The following DMD variants were observed in gnomAD, a reference collection of about 807,000 sequenced individuals.
The protein encoded by DMD is dystrophin, also known as mutant dystrophin.
In DMD, 63 loss-of-function variants were observed where a neutral mutation model predicts 330.1. The observed-to-expected ratio is 0.19, with a 90% CI of 0.16 to 0.24. DMD has a LOEUF of 0.24. DMD is among the 10% of genes least tolerant of loss of function. DMD has a pLI of 1.00. For missense variants in DMD, 3,344 were observed against 2,684.1 expected (o/e 1.25, Z -5.43); for synonymous variants, 1,223 against 959.8 (o/e 1.27, Z -5.07).
chrX:32,368,190 T>A (rs1344030090), intron 34 of DMD, among the ~76,000 whole-genome samples: 1 of 112,016 alleles, frequency 8.9e-6, no homozygotes, highest in African/African-American at 3.2e-5. Context: ...ATCCAGTCTG[T>A]ACTGTGCTAT....
chrX:32,717,323 C>T (rs2068591609), intron 7 of DMD, among the ~76,000 whole-genome samples: 2 of 111,114 alleles, frequency 1.8e-5, no homozygotes, highest in Admixed American at 1.9e-4. Flanking sequence ...TCCCTATGTC[C>T]CAGACACTCC....
In DMD at chrX:32,828,510, C is replaced by T. The variant is rs149920271; in HGVS notation, c.265-5123G>A. 7.8e-3 allele frequency among the ~76,000 whole-genome samples: 852 copies of T among 108,864 alleles called. 10 individuals carry two copies. The highest frequency in any genetic ancestry group is 0.028 in the African/African-American group (814 of 29,562). The allele number at this position is 108,864 out of a possible 115,157, so 94.5% of individuals were successfully genotyped here. On this transcript the variant is annotated intron_variant, in intron 4 of 78. Coordinates refer to ENST00000357033, the MANE Select transcript of DMD (RefSeq NM_004006.3). ...AGATACATCTATACATATATATATA[C>T]GCATCATTTCAGGGAGATATAGACA...
At chrX:31,387,155 T>C (rs16989595) in intron 60 of DMD, among the ~76,000 whole-genome samples, 2,133 of 111,449 alleles carry the variant, frequency 0.019, 60 homozygotes, top group African/African-American at 0.066. Flanking sequence ...TTAGACTCTA[T>C]AGGAAGCTAA....
At chrX:31,859,129 G>A (rs1310696483) in intron 48 of DMD, among the ~76,000 whole-genome samples, 3 of 111,326 alleles carry the variant, frequency 2.7e-5, no homozygotes, top group South Asian at 7.6e-4. Context: ...AAGAGGCACT[G>A]TTCCAGAGAG....
chrX:32,647,153 A>G (rs1488414018), intron 9 of DMD, among the ~76,000 whole-genome samples: 1 of 111,841 alleles, frequency 8.9e-6, no homozygotes, highest in Non-Finnish European at 1.9e-5. Context: ...ACATGCCTCT[A>G]TTATCTGCTG....
intron 26 of DMD, among the ~76,000 whole-genome samples, chrX:32,449,229 G>T (rs1377742671): frequency 9.1e-6 from 1 of 110,385 alleles, no homozygotes; most frequent in African/African-American, 3.3e-5. Context: ...GCTATGCCTT[G>T]GTCTTCTCAA....
At position 31,472,051 on chromosome X, in the gene DMD, A is replaced by G. The variant is rs554028832; in HGVS notation, c.8937+6055T>C. Among the ~76,000 whole-genome samples the G allele has an allele frequency of 6.0e-4, 67 of 112,422 alleles. 1 individual carries two copies. Among genetic ancestry groups the G allele is most frequent in the African/African-American group, 2.0e-3 (62 of 31,011 alleles). On this transcript the variant is annotated intron_variant, in intron 59 of 78. Transcript: ENST00000357033. ...TTTCTTTGTTTTTTCTTCTCCATCA[A>G]AGGCTTACTTAATACACATAGCATT...
At chrX:31,970,832 C>T (rs1415646805) in intron 44 of DMD, among the ~76,000 whole-genome samples, 2 of 111,397 alleles carry the variant, frequency 1.8e-5, no homozygotes, top group South Asian at 3.7e-4. Flanking sequence ...TAAACTGCAT[C>T]GTGCAAGCAT....
chrX:32,157,812 G>A (rs1465929404), intron 44 of DMD, among the ~76,000 whole-genome samples: 1 of 111,983 alleles, frequency 8.9e-6, no homozygotes, highest in Non-Finnish European at 1.9e-5. Context: ...CTGCATCATG[G>A]AGGTTACCAG....
At position 32,418,972 on chromosome X, in the gene DMD, C is replaced by CAAAAAAAAAAAAAAAAAAAAA. The variant is rs1160282195; in HGVS notation, c.4072-7080_4072-7060dup. ...TGGGTGACAGAGTGAGACTCTGTCT[C>CAAAAAAAAAAAAAAAAAAAAA]AAAAAAAAAAAAAAAAAAAAAAAAA... On this transcript the variant is annotated intron_variant, in intron 29 of 78. Coordinates refer to ENST00000357033, the MANE Select transcript of DMD (RefSeq NM_004006.3). Among the ~76,000 whole-genome samples the CAAAAAAAAAAAAAAAAAAAAA allele has an allele frequency of 3.2e-3, 43 of 13,508 alleles. 1 individual carries two copies. Among genetic ancestry groups the CAAAAAAAAAAAAAAAAAAAAA allele is most frequent in the Non-Finnish European group, 4.9e-3 (33 of 6,717 alleles). The allele number at this position is 13,508 out of a possible 115,157, so 11.7% of individuals were successfully genotyped here.
At chrX:32,444,235 G>C (rs1341379191) in intron 27 of DMD, among the ~76,000 whole-genome samples, 1 of 110,105 alleles carries the variant, frequency 9.1e-6, no homozygotes, top group Non-Finnish European at 1.9e-5. Flanking sequence ...ATTGTTGGGG[G>C]ATTTTGGGCT....
chrX:31,199,890 A>G (rs1422438151), intron 67 of DMD, among the ~76,000 whole-genome samples: 2 of 112,048 alleles, frequency 1.8e-5, no homozygotes, highest in African/African-American at 3.2e-5. Flanking sequence ...TATACTTCAA[A>G]CAAAGGGCAG....
chrX:31,384,767 C>T (rs1444927849), intron 60 of DMD, among the ~76,000 whole-genome samples: 1 of 111,950 alleles, frequency 8.9e-6, no homozygotes, highest in African/African-American at 3.3e-5. Context: ...AGAGAAGATC[C>T]TATTACAGAA....
At chrX:32,774,929 C>T (rs1422013951) in intron 7 of DMD, among the ~76,000 whole-genome samples, 1 of 112,141 alleles carries the variant, frequency 8.9e-6, no homozygotes, top group Non-Finnish European at 1.9e-5. Context: ...GTTCTCTCTG[C>T]CTACAAGCCT....
At chrX:33,175,409 A>G (rs1248121716) in intron 1 of DMD, among the ~76,000 whole-genome samples, 3 of 112,409 alleles carry the variant, frequency 2.7e-5, no homozygotes, top group Admixed American at 9.4e-5. Context: ...TACTAGGCCT[A>G]TTTACGTATA....
chrX:32,600,165 A>G (rs910063816), intron 12 of DMD, among the ~76,000 whole-genome samples: 1 of 112,108 alleles, frequency 8.9e-6, no homozygotes, highest in African/African-American at 3.2e-5. Flanking sequence ...GTCCATGTCA[A>G]GTTGGTTTTC....
chrX:33,134,043 T>C (rs1329838068), intron 1 of DMD, among the ~76,000 whole-genome samples: 1 of 111,783 alleles, frequency 8.9e-6, no homozygotes, highest in Non-Finnish European at 1.9e-5. Flanking sequence ...AAAATCATTT[T>C]AGAATTTGAT....
At chrX:32,634,366 C>A (rs897660744) in intron 11 of DMD, among the ~76,000 whole-genome samples, 1 of 111,771 alleles carries the variant, frequency 8.9e-6, no homozygotes, top group Non-Finnish European at 1.9e-5. Flanking sequence ...AGCCAAAGTC[C>A]CCTTTACTCT....
chrX:32,010,563 A>G (rs1172445640), intron 44 of DMD, among the ~76,000 whole-genome samples: 1 of 111,925 alleles, frequency 8.9e-6, no homozygotes, highest in Non-Finnish European at 1.9e-5. Context: ...ATTCTGAAAT[A>G]CTAGCAGTCA....
Sources: allele counts gnomAD v4.1 joint callset (sites outside exome capture counted in the v4.1 genomes callset), GRCh38; gene constraint gnomAD v4.1.1; transcripts MANE v1.5; gene names NCBI Gene and HGNC (gene_info 2026-07-23, HGNC 2026-07-21).